Variants in RELN observed in about 807,000 individuals in gnomAD.
RELN encodes the protein reelin.
RELN carries 108 observed loss-of-function variants against 427.6 expected under a neutral mutation model. The ratio of observed to expected loss-of-function variants is 0.25; its 90% CI spans 0.22 to 0.30. The LOEUF (loss-of-function observed/expected upper bound fraction) is 0.30. RELN is among the 10% of genes least tolerant of loss of function. The probability of loss-of-function intolerance (pLI) is 1.00; values close to 1 mark genes in which losing one functional copy is unlikely to be tolerated. For missense variants in RELN, 3,715 were observed against 4,302.8 expected, an observed-to-expected ratio of 0.86 and a Z score of 3.82; for synonymous variants, 1,524 against 1,513.4, an observed-to-expected ratio of 1.01 and a Z score of -0.16.
chr7:103,940,354 G>A (rs1487339326), intron 1 of RELN, among the ~76,000 whole-genome samples: 5 of 152,150 alleles, frequency 3.3e-5, no homozygotes, highest in African/African-American at 7.2e-5. Flanking sequence ...TGTATGGTCC[G>A]TTATTATGAA....
At chr7:103,553,389 A>AT (rs1348109682) in intron 40 of RELN, 72 bp downstream of exon 40, 7 of 1,158,148 alleles carry the variant, frequency 6.0e-6, no homozygotes, top group Non-Finnish European at 7.7e-6. Context: ...ATTATCTGAG[A>AT]TTTTCCTCCC....
chr7:103,492,678 CAGAG>C (rs1459512679), intron 57 of RELN, among the ~76,000 whole-genome samples: 2 of 151,956 alleles, frequency 1.3e-5, no homozygotes, highest in South Asian at 2.1e-4. Context: ...ACTCTAAATT[CAGAG>C]AGAGAATAAG....
chr7:103,887,741 C>T (rs944633096), intron 2 of RELN, among the ~76,000 whole-genome samples: 12 of 151,782 alleles, frequency 7.9e-5, no homozygotes, highest in Middle Eastern at 6.8e-3. Flanking sequence ...CCCTGTCTTT[C>T]CCCTAATTAA....
At chr7:103,535,969 C>G (rs1267784657) in intron 45 of RELN, among the ~76,000 whole-genome samples, 1 of 151,680 alleles carries the variant, frequency 6.6e-6, no homozygotes, top group Non-Finnish European at 1.5e-5. Flanking sequence ...GGTTAACATA[C>G]AAATAAGGAA....
chr7:103,741,672 A>C (rs957077294), intron 6 of RELN, among the ~76,000 whole-genome samples: 2 of 121,766 alleles, frequency 1.6e-5, no homozygotes, highest in Non-Finnish European at 3.6e-5. Context: ...AAAGGGAAGA[A>C]GGGAAGGGAA....
chr7:103,882,641 C>T (rs1380603722), intron 2 of RELN, among the ~76,000 whole-genome samples: 3 of 151,952 alleles, frequency 2.0e-5, no homozygotes, highest in Admixed American at 6.6e-5. Context: ...TATAAACTAC[C>T]ATCAGAGAAT....
intron 28 of RELN, among the ~76,000 whole-genome samples, chr7:103,577,929 C>A (rs1421737221): frequency 1.3e-5 from 2 of 152,260 alleles, no homozygotes; most frequent in East Asian, 3.9e-4. Context: ...AAACTTCTTT[C>A]CCCAGCTTCA....
intron 2 of RELN, among the ~76,000 whole-genome samples, chr7:103,862,411 CTATCT>C (rs200107102): frequency 0.015 from 806 of 53,498 alleles, 9 homozygotes; most frequent in Admixed American, 0.07. Context: ...TGCTTTTGTT[CTATCT>C]ATCTATCTAT....
chr7:103,596,573 G>A lies in RELN; in HGVS notation c.3422C>T (p.Ala1141Val). 1.2e-6 allele frequency: 2 copies of A among 1,614,030 alleles called. No homozygotes were observed. Among genetic ancestry groups the A allele is most frequent in the Non-Finnish European group, 8.5e-7 (1 of 1,179,948 alleles). The change falls in exon 25 of 65, where the codon GCT (alanine) becomes GTT (valine). Residue 1141 changes from alanine (A) to valine (V), a missense_variant. Physicochemically the swap from Ala to Val is moderately conservative, Grantham distance 64. Transcript: ENST00000428762. ...TCTGCTGTCAGGCTTGTTGCATGAA[G>A]CACTCTCTCCGCCTATCTGGATGTA... ...QFYIQIGGES[A>V]SCNKPDSREE...
At chr7:103,502,971 C>T (rs766115492) in intron 52 of RELN, 45 bp downstream of exon 52, 1 of 1,510,680 alleles carries the variant, frequency 6.6e-7, no homozygotes, top group Non-Finnish European at 9.2e-7. Flanking sequence ...AATGGTGTAC[C>T]TTCTGGATGC....
Position 103,610,753 on chromosome 7 carries a change from G to A in RELN, c.2950C>T (p.His984Tyr), listed in dbSNP as rs1160624629. 5 of 1,612,166 alleles carry A rather than the reference G, an allele frequency of 3.1e-6. No individual in the cohort carries two copies. Among genetic ancestry groups the A allele is most frequent in the Non-Finnish European group, 4.2e-6 (5 of 1,178,560 alleles). ...CTCCACTGTGTAAACTCACTGGCATGGTAAATACTTGCTGATGTAAATTCC... is the reference window on the plus strand; with the variant it reads ...CTCCACTGTGTAAACTCACTGGCATAGTAAATACTTGCTGATGTAAATTCC... The part of the protein sequence containing the change: ...CQEFTSASIY[H>Y]ASEFTQWRRV... The change falls in exon 22 of 65, where the codon CAT (histidine) becomes TAT (tyrosine). Residue 984 changes from histidine to tyrosine, a missense_variant. By Grantham distance (83) the His-to-Tyr change is moderately conservative. Coordinates refer to ENST00000428762, the MANE Select transcript of RELN (RefSeq NM_005045.4).
chr7:103,608,851 A>G (rs1227752993), intron 22 of RELN, among the ~76,000 whole-genome samples: 1 of 152,210 alleles, frequency 6.6e-6, no homozygotes, highest in South Asian at 2.1e-4. Context: ...TAAGGACAAC[A>G]CTTTCTGAAT....
chr7:103,975,351 G>A (rs6465948), intron 1 of RELN, among the ~76,000 whole-genome samples: 106,269 of 151,976 alleles, frequency 0.7, 37,725 homozygotes, highest in African/African-American at 0.82. Flanking sequence ...AAAACAGGCA[G>A]TAGAGGAGCA....
chr7:103,565,214 A>G (rs986903014), intron 34 of RELN, 64 bp downstream of exon 34: 27 of 1,560,230 alleles, frequency 1.7e-5, no homozygotes, highest in Non-Finnish European at 2.4e-5. Context: ...CCGAATCACA[A>G]TTATTTTCAA....
rs763477584 is a variant in RELN, at chr7:103,989,157, T to C, written c.200A>G (p.Tyr67Cys). ...ISLHIAGNPTYYVPGQEYHVT... is the reference protein window; with the variant it reads ...ISLHIAGNPTCYVPGQEYHVT... The stretch of plus-strand genomic sequence containing the variant: ...ATGGTATTCTTGTCCCGGAACGTAG[T>C]AGGTGGGGTTGCCCGCAATATGCAG... The change falls in exon 1 of 65, where the codon TAC becomes TGC. Residue 67 changes from tyrosine to cysteine, a missense_variant. Tyr to Cys is a radical substitution (Grantham distance 194). This residue lies in a region of RELN where 2,208 missense variants were observed against 2,361.7 expected (regional missense o/e 0.93). Coordinates refer to ENST00000428762, the MANE Select transcript of RELN (RefSeq NM_005045.4). This position sits in a 1 kb window ranked among gnomAD's most constrained non-coding sequence, Gnocchi z 4.9. 5.0e-6 allele frequency: 8 copies of C among 1,613,916 alleles called. 1 individual carries two copies. In the South Asian group the frequency reaches 6.6e-5, roughly 13 times the overall value.
At chr7:103,922,342 A>AAT (rs908746400) in intron 1 of RELN, among the ~76,000 whole-genome samples, 8 of 152,212 alleles carry the variant, frequency 5.3e-5, no homozygotes, top group South Asian at 4.2e-4. Flanking sequence ...TTTGTATGTG[A>AAT]ATATATATAT....
chr7:103,745,334 C>G (rs1290077074), intron 6 of RELN, among the ~76,000 whole-genome samples: 1 of 152,040 alleles, frequency 6.6e-6, no homozygotes, highest in Non-Finnish European at 1.5e-5. Context: ...AAACTGGAAG[C>G]ATTCTCTTTG....
intron 13 of RELN, 48 bp from the exon 14 acceptor site, chr7:103,652,807 G>C (rs1184602583): frequency 6.4e-7 from 1 of 1,557,962 alleles, no homozygotes; most frequent in Non-Finnish European, 8.8e-7. Context: ...TTCTAGGCTA[G>C]TCCATGTAAA....
chr7:103,948,778 C>T lies in RELN; in HGVS notation c.227-31593G>A, dbSNP rs184438441. Among the ~76,000 whole-genome samples, 63 of 152,130 alleles carry T rather than the reference C, an allele frequency of 4.1e-4. No homozygotes were observed. In the East Asian group the frequency reaches 0.01, roughly 25 times the overall value. ...TCTGTAATCCTGGCATTTTGGGAGGCCTGGGTGGGCAGATCACTTAAGCCC... is the reference window on the plus strand; with the variant it reads ...TCTGTAATCCTGGCATTTTGGGAGGTCTGGGTGGGCAGATCACTTAAGCCC... On this transcript the variant is annotated intron_variant, in intron 1 of 64. Coordinates refer to ENST00000428762, the MANE Select transcript of RELN (RefSeq NM_005045.4).
Sources: gnomAD v4.1 joint callset for allele counts (sites outside exome capture counted in the v4.1 genomes callset) on GRCh38, gnomAD v4.1.1 for gene constraint, gnomAD v4.1.1 regional missense constraint, Gnocchi (gnomAD v3.1) non-coding constraint, MANE v1.5 for transcripts, NCBI Gene and HGNC (gene_info 2026-07-23, HGNC 2026-07-21) for gene names.